The following TRAPPC9 variants were observed in gnomAD, a reference collection of about 807,000 sequenced individuals.
The protein encoded by TRAPPC9 is trafficking protein particle complex subunit 9, also known as IKK2 binding protein.
TRAPPC9 carries 83 observed loss-of-function variants against 124.0 expected under a neutral mutation model. That is an observed-to-expected ratio of 0.67 (90% CI 0.56 to 0.80). TRAPPC9 has a LOEUF of 0.80. Among genes scored for constraint, TRAPPC9 ranks in the 30% least tolerant of loss-of-function variants. The pLI is 0.00. For synonymous variants in TRAPPC9, 638 were observed against 617.5 expected (o/e 1.03, Z -0.49); for missense variants, 1,302 against 1,508.3 (o/e 0.86, Z 2.27).
chr8:140,195,059 C>A (rs2062607063), intron 17 of TRAPPC9, among the ~76,000 whole-genome samples: 1 of 152,040 alleles, frequency 6.6e-6, no homozygotes, highest in South Asian at 2.1e-4. Flanking sequence ...ACAGATCACG[C>A]CTGTGACACT....
At chr8:140,278,631 T>C (rs950678443) in intron 14 of TRAPPC9, among the ~76,000 whole-genome samples, 1 of 152,172 alleles carries the variant, frequency 6.6e-6, no homozygotes, top group African/African-American at 2.4e-5. Flanking sequence ...GTGCAGTGCA[T>C]CTCTGTATGG....
At chr8:139,858,075 A>G (rs1346567970) in intron 21 of TRAPPC9, among the ~76,000 whole-genome samples, 1 of 152,266 alleles carries the variant, frequency 6.6e-6, no homozygotes, top group Non-Finnish European at 1.5e-5. Flanking sequence ...GGACCAAAGC[A>G]TCATGGCAAA....
intron 17 of TRAPPC9, among the ~76,000 whole-genome samples, chr8:140,070,627 G>A (rs934892529): frequency 3.3e-5 from 5 of 152,134 alleles, no homozygotes; most frequent in South Asian, 2.1e-4. Flanking sequence ...GCCTCGTTTC[G>A]AAATTGACCA....
intron 17 of TRAPPC9, among the ~76,000 whole-genome samples, chr8:140,219,803 G>A (rs781063226): frequency 3.9e-5 from 6 of 152,192 alleles, no homozygotes; most frequent in East Asian, 3.9e-4. Flanking sequence ...GCCCTCACAC[G>A]TTCAGGACAA....
intron 11 of TRAPPC9, among the ~76,000 whole-genome samples, chr8:140,299,900 T>A (rs1003829937): frequency 6.6e-6 from 1 of 152,120 alleles, no homozygotes; most frequent in Non-Finnish European, 1.5e-5. Context: ...CATAACACGA[T>A]TACCTCACCC....
At chr8:140,409,361 C>T (rs1049473394) in intron 5 of TRAPPC9, among the ~76,000 whole-genome samples, 2 of 151,906 alleles carry the variant, frequency 1.3e-5, no homozygotes, top group East Asian at 1.9e-4. Context: ...ACTGTGAGTG[C>T]GAATGATGCG....
intron 6 of TRAPPC9, among the ~76,000 whole-genome samples, chr8:140,404,419 A>G (rs1385862138): frequency 6.6e-6 from 1 of 152,174 alleles, no homozygotes; most frequent in African/African-American, 2.4e-5. Context: ...ATCTTGTTCT[A>G]GGTGCTGTTT....
intron 19 of TRAPPC9, among the ~76,000 whole-genome samples, chr8:139,929,619 T>G (rs566134947): frequency 6.6e-6 from 1 of 152,384 alleles, no homozygotes; most frequent in South Asian, 2.1e-4. Flanking sequence ...TGCTGCTTCT[T>G]CCTGAGCTAC....
In TRAPPC9 at chr8:140,045,492, C is replaced by T. The variant is rs1184633838; in HGVS notation, c.2557-21413G>A. Among the ~76,000 whole-genome samples, 5 of 151,810 alleles carry T rather than the reference C, an allele frequency of 3.3e-5. No individual in the cohort carries two copies. The South Asian group carries it at 8.3e-4, about 25-fold the overall frequency. On this transcript the variant is annotated intron_variant, in intron 17 of 22. Coordinates refer to ENST00000438773, the MANE Select transcript of TRAPPC9 (RefSeq NM_001160372.4). Reference sequence around the variant, plus strand: ...AAACACAAAAATTAGCTGGGTGTGGCGGCACGCACCTGTAGTCCCAGCTAC... The same window carrying T: ...AAACACAAAAATTAGCTGGGTGTGGTGGCACGCACCTGTAGTCCCAGCTAC...
At chr8:140,041,564 C>T (rs1453074558) in intron 17 of TRAPPC9, among the ~76,000 whole-genome samples, 4 of 152,252 alleles carry the variant, frequency 2.6e-5, no homozygotes, top group Admixed American at 2.6e-4. Context: ...CCACCCTAGC[C>T]CTGCCCATCA....
chr8:139,753,423 C>T (rs1586766313), intron 21 of TRAPPC9, among the ~76,000 whole-genome samples: 1 of 152,196 alleles, frequency 6.6e-6, no homozygotes, highest in East Asian at 1.9e-4. Context: ...TTCCATCTAT[C>T]CCCCTTTCCT....
intron 13 of TRAPPC9, among the ~76,000 whole-genome samples, chr8:140,286,325 C>T (rs74732179): frequency 1.3e-5 from 2 of 152,254 alleles, no homozygotes; most frequent in South Asian, 2.1e-4. Context: ...AAGGACTGGG[C>T]CTTGATAACA....
intron 7 of TRAPPC9, among the ~76,000 whole-genome samples, chr8:140,393,708 C>G (rs2069001811): frequency 6.6e-6 from 1 of 152,170 alleles, no homozygotes; most frequent in Non-Finnish European, 1.5e-5. Context: ...CCATATTAGC[C>G]AAAGTCATTT....
intron 21 of TRAPPC9, among the ~76,000 whole-genome samples, chr8:139,853,071 C>T (rs113914165): frequency 6.6e-5 from 10 of 152,170 alleles, no homozygotes; most frequent in Admixed American, 1.3e-4. Context: ...TCCGTGGTGA[C>T]GCCAACACCT....
intron 21 of TRAPPC9, among the ~76,000 whole-genome samples, chr8:139,871,796 TG>T (rs1828918910): frequency 6.6e-6 from 1 of 152,158 alleles, no homozygotes; most frequent in Admixed American, 6.5e-5. Context: ...GACGAATATG[TG>T]GGTGGGTAGG....
At chr8:139,835,973 G>A (rs1371265704) in intron 21 of TRAPPC9, among the ~76,000 whole-genome samples, 2 of 151,944 alleles carry the variant, frequency 1.3e-5, no homozygotes, top group East Asian at 3.9e-4. Flanking sequence ...TTTCCACCAA[G>A]GAAAGCTGGG....
intron 17 of TRAPPC9, among the ~76,000 whole-genome samples, chr8:140,158,790 T>G (rs186742296): frequency 1.6e-3 from 244 of 152,280 alleles, no homozygotes; most frequent in African/African-American, 5.5e-3. Context: ...AGTAACATTG[T>G]CTTGAGCATC....
chr8:140,451,833 T>C (rs1284643159), intron 1 of TRAPPC9, among the ~76,000 whole-genome samples: 1 of 152,144 alleles, frequency 6.6e-6, no homozygotes, highest in Non-Finnish European at 1.5e-5. Flanking sequence ...TAATAGAACT[T>C]GTCTTGGCCG....
chr8:140,422,395 A>G (rs1430603236), intron 5 of TRAPPC9, among the ~76,000 whole-genome samples: 2 of 152,214 alleles, frequency 1.3e-5, no homozygotes, highest in African/African-American at 4.8e-5. Context: ...TGAAAAGATA[A>G]CACACAGAAT....
Sources: allele counts gnomAD v4.1 joint callset (sites outside exome capture counted in the v4.1 genomes callset), GRCh38; gene constraint gnomAD v4.1.1; transcripts MANE v1.5; gene names NCBI Gene and HGNC (gene_info 2026-07-23, HGNC 2026-07-21).